The following GRB14 variants were observed in gnomAD, a reference collection of about 807,000 sequenced individuals.
The protein encoded by GRB14 is growth factor receptor bound protein 14.
In GRB14, 38 loss-of-function variants were observed where a neutral mutation model predicts 69.1. That is an observed-to-expected ratio of 0.55 (90% CI 0.42 to 0.72). The LOEUF is 0.72. Ranked by LOEUF, GRB14 falls within the 30% of genes least tolerant of loss-of-function variation. The pLI is 0.00. For synonymous variants in GRB14, 247 were observed against 241.3 expected (o/e 1.02, Z -0.22); for missense variants, 666 against 666.1 (o/e 1.00, Z 0.00).
At chr2:164,564,685 T>C (rs1688924848) in intron 2 of GRB14, among the ~76,000 whole-genome samples, 1 of 152,168 alleles carries the variant, frequency 6.6e-6, no homozygotes, top group South Asian at 2.1e-4. Context: ...AATTGTAGCA[T>C]GGATGAAGAA....
intron 12 of GRB14, 81 bp downstream of exon 12, chr2:164,496,927 T>C (rs968289308): frequency 9.1e-7 from 1 of 1,101,454 alleles, no homozygotes; most frequent in African/African-American, 1.5e-5. Context: ...CAAGAACTCT[T>C]TGTGGCTATG....
At chr2:164,534,290 A>G (rs1688025132) in intron 3 of GRB14, among the ~76,000 whole-genome samples, 1 of 152,148 alleles carries the variant, frequency 6.6e-6, no homozygotes. Flanking sequence ...CACCATCCCA[A>G]TTTGCATGAA....
chr2:164,508,438 G>A lies in GRB14; in HGVS notation c.1023+17C>T. The A allele has an allele frequency of 6.3e-7, 1 of 1,598,710 alleles. No homozygotes were observed. The highest frequency in any genetic ancestry group is 2.2e-5 in the East Asian group (1 of 44,774). On this transcript the variant is annotated intron_variant, in intron 8 of 13. Transcript: ENST00000263915. ...CTCACAGCAGTTAATAGAAATTCAT[G>A]CCTCCGGCGAGATTACCTTAAGCAA...
chr2:164,591,423 A>G (rs1408728746), intron 2 of GRB14, among the ~76,000 whole-genome samples: 1 of 152,156 alleles, frequency 6.6e-6, no homozygotes, highest in Non-Finnish European at 1.5e-5. Context: ...CTGTAATTAG[A>G]GTATGCCTAT....
Position 164,497,393 on chromosome 2 carries a change from T to C in GRB14, c.1202A>G (p.Glu401Gly). 6.2e-7 allele frequency: 1 copy of C among 1,613,470 alleles called. No individual in the cohort carries two copies. The highest frequency in any genetic ancestry group is 2.2e-5 in the East Asian group (1 of 44,868). The change falls in exon 10 of 14, where the codon GAA becomes GGA. Residue 401 changes from glutamate to glycine, a missense_variant. By Grantham distance (98) the Glu-to-Gly change is moderately conservative (BLOSUM62 -2). Transcript: ENST00000263915. ...NPTEALSVAV[E>G]EGLAWRKKGC... is the part of the protein sequence containing the mutation. ...TTGTACCCTCCAAGCGAGTCCTTCT[T>C]CAACCGCAACTGAAAGGGCTTCAGT...
intron 5 of GRB14, among the ~76,000 whole-genome samples, chr2:164,523,478 G>T (rs1317643743): frequency 6.6e-6 from 1 of 151,624 alleles, no homozygotes; most frequent in African/African-American, 2.4e-5. Flanking sequence ...TGAAATAAGG[G>T]AATTTATTAA....
intron 2 of GRB14, among the ~76,000 whole-genome samples, chr2:164,601,041 C>T (rs182804126): frequency 1.3e-5 from 2 of 152,024 alleles, no homozygotes; most frequent in African/African-American, 4.8e-5. Flanking sequence ...TCCAATTGTT[C>T]TCTAGGCCAC....
intron 9 of GRB14, 38 bp downstream of exon 9, chr2:164,502,217 T>C: frequency 1.0e-6 from 1 of 963,388 alleles, no homozygotes; most frequent in East Asian, 2.4e-5. Context: ...ATAATGTGAA[T>C]GTAAAATAAA....
chr2:164,518,835 G>A (rs1401263830), intron 6 of GRB14, among the ~76,000 whole-genome samples: 1 of 151,886 alleles, frequency 6.6e-6, no homozygotes, highest in Non-Finnish European at 1.5e-5. Context: ...TAAAAACGCT[G>A]AGCAGACCAA....
intron 2 of GRB14, 125 bp from the exon 3 acceptor site, chr2:164,547,941 G>T: frequency 3.4e-6 from 2 of 584,004 alleles, no homozygotes; most frequent in Non-Finnish European, 5.5e-6. Context: ...ATAGCAAAAT[G>T]GTTATATAGT....
At chr2:164,507,655 G>A (rs1687227429) in intron 8 of GRB14, among the ~76,000 whole-genome samples, 2 of 152,132 alleles carry the variant, frequency 1.3e-5, no homozygotes, top group Admixed American at 1.3e-4. Flanking sequence ...ACTAACTAAT[G>A]TGGACGGGCA....
chr2:164,493,806 T>C (rs775467525), intron 13 of GRB14, among the ~76,000 whole-genome samples: 1 of 152,156 alleles, frequency 6.6e-6, no homozygotes, highest in Non-Finnish European at 1.5e-5. Flanking sequence ...AGCAATACTA[T>C]GGAATACCTT....
rs546346530 is a variant in GRB14 at position 164,523,069 on chromosome 2, TG to T, written c.679-953del. 2.0e-4 allele frequency among the ~76,000 whole-genome samples: 30 copies of T among 151,752 alleles called. No homozygotes were observed. The South Asian group carries it at 5.8e-3, about 30-fold the overall frequency. On this transcript the variant is annotated intron_variant, in intron 5 of 13. Coordinates refer to ENST00000263915, the MANE Select transcript of GRB14 (RefSeq NM_004490.3). The stretch of plus-strand genomic sequence containing the variant: ...GAGACAGACAGAGAGAGACAGTAAG[TG>T]GGGGGAAACAGGGGAGAGAGACAGA...
intron 2 of GRB14, among the ~76,000 whole-genome samples, chr2:164,588,602 T>A (rs936213541): frequency 1.3e-5 from 2 of 152,222 alleles, no homozygotes; most frequent in Non-Finnish European, 2.9e-5. Context: ...ATAATTATGC[T>A]TATTTAACAA....
rs185412798 is a variant in GRB14 at position 164,512,843 on chromosome 2, C to T, written c.817-3991G>A. Among the ~76,000 whole-genome samples the T allele has an allele frequency of 1.0e-3, 157 of 152,296 alleles. 1 individual carries two copies. The highest frequency in any genetic ancestry group is 1.1e-3 in the Non-Finnish European group (78 of 68,028). Reference sequence around the variant, plus strand: ...GACCATTACCCAAACATCTGGTCTCCGTCGTTAGCTGTTTTGAGCATTGCC... The same window carrying T: ...GACCATTACCCAAACATCTGGTCTCTGTCGTTAGCTGTTTTGAGCATTGCC... On this transcript the variant is annotated intron_variant, in intron 6 of 13. Coordinates refer to ENST00000263915, the MANE Select transcript of GRB14 (RefSeq NM_004490.3).
rs1446429524 is a variant in GRB14, at chr2:164,496,896, T to C, written c.1382+112A>G. On this transcript the variant is annotated intron_variant, in intron 12 of 13. Coordinates refer to ENST00000263915, the MANE Select transcript of GRB14 (RefSeq NM_004490.3). ...CTCATTTATAGAACAATGTCACTTC[T>C]GTTTTATGATAAGCCCAAATCAAGA... The C allele has an allele frequency of 5.0e-5, 39 of 778,618 alleles. No homozygotes were observed. The South Asian group carries it at 6.1e-4, about 12-fold the overall frequency. 48.2% of individuals were successfully genotyped at this position (778,618 alleles called of 1,614,324 possible).
chr2:164,617,998 G>T (rs568920771), intron 2 of GRB14, among the ~76,000 whole-genome samples: 1 of 142,482 alleles, frequency 7.0e-6, no homozygotes, highest in Non-Finnish European at 1.5e-5. Flanking sequence ...ACAGATTCTC[G>T]CTCTGTCGTT....
At chr2:164,541,442 A>G (rs1434995147) in intron 3 of GRB14, among the ~76,000 whole-genome samples, 1 of 151,862 alleles carries the variant, frequency 6.6e-6, no homozygotes, top group Non-Finnish European at 1.5e-5. Context: ...ATTGCACTCC[A>G]GCCTGGGTGT....
At chr2:164,526,982 T>C in intron 4 of GRB14, 32 bp downstream of exon 4, 2 of 1,496,910 alleles carry the variant, frequency 1.3e-6, no homozygotes, top group Non-Finnish European at 1.8e-6. Flanking sequence ...GTTCATTTAT[T>C]TTCCGTAACT....
Sources: gnomAD v4.1 joint callset for allele counts (sites outside exome capture counted in the v4.1 genomes callset) on GRCh38, gnomAD v4.1.1 for gene constraint, MANE v1.5 for transcripts, NCBI Gene and HGNC (gene_info 2026-07-23, HGNC 2026-07-21) for gene names.